AOAH: variants seen among roughly 807,000 people sequenced by gnomAD.
AOAH encodes acyloxyacyl hydrolase.
AOAH carries 64 observed loss-of-function variants against 92.2 expected under a neutral mutation model. The ratio of observed to expected loss-of-function variants is 0.69; its 90% CI spans 0.57 to 0.86. AOAH has a LOEUF of 0.86. Ranked by LOEUF, AOAH falls within the 40% of genes least tolerant of loss-of-function variation. The probability of loss-of-function intolerance (pLI) is 0.00; values close to 1 mark genes in which losing one functional copy is unlikely to be tolerated. For missense variants in AOAH, 656 were observed against 694.6 expected, an observed-to-expected ratio of 0.94 and a Z score of 0.62; for synonymous variants, 263 against 254.5, an observed-to-expected ratio of 1.03 and a Z score of -0.32.
chr7:36,585,069 T>C (rs1789218907), intron 12 of AOAH, among the ~76,000 whole-genome samples: 1 of 151,988 alleles, frequency 6.6e-6, no homozygotes, highest in African/African-American at 2.4e-5. Context: ...GACATTGGTA[T>C]TGAAGGACAT....
intron 6 of AOAH, among the ~76,000 whole-genome samples, chr7:36,631,603 G>A (rs999771137): frequency 6.6e-6 from 1 of 152,096 alleles, no homozygotes; most frequent in Non-Finnish European, 1.5e-5. Context: ...TAATAGTTTG[G>A]GCGCTGTGAA....
At chr7:36,600,409 C>T (rs1790467949) in intron 11 of AOAH, among the ~76,000 whole-genome samples, 1 of 152,142 alleles carries the variant, frequency 6.6e-6, no homozygotes, top group African/African-American at 2.4e-5. Context: ...TGATTCAGGC[C>T]CCTGGAGGAC....
chr7:36,658,696 G>A (rs1795028402), intron 4 of AOAH, among the ~76,000 whole-genome samples: 1 of 152,158 alleles, frequency 6.6e-6, no homozygotes, highest in Non-Finnish European at 1.5e-5. Flanking sequence ...ATAAACCACT[G>A]TGGGAGGTAG....
chr7:36,541,611 G>A (rs187345368), intron 15 of AOAH, among the ~76,000 whole-genome samples: 2 of 152,324 alleles, frequency 1.3e-5, no homozygotes, highest in East Asian at 1.9e-4. Flanking sequence ...CACCACCTGG[G>A]TGATGAGGTA....
chr7:36,515,503 A>C, intron 20 of AOAH, among the ~76,000 whole-genome samples: 1 of 8,064 alleles, frequency 1.2e-4, no homozygotes, highest in African/African-American at 2.3e-4. Context: ...TACATCACAA[A>C]CACACCCCCA....
chr7:36,710,067 GTAGAAT>G (rs1273758630), intron 1 of AOAH, among the ~76,000 whole-genome samples: 1 of 152,124 alleles, frequency 6.6e-6, no homozygotes, highest in Non-Finnish European at 1.5e-5. Flanking sequence ...TGTGTGGTAG[GTAGAAT>G]TATAATATTT....
intron 5 of AOAH, among the ~76,000 whole-genome samples, chr7:36,634,481 C>T (rs1427556662): frequency 6.6e-6 from 1 of 151,872 alleles, no homozygotes; most frequent in Non-Finnish European, 1.5e-5. Context: ...ACGCGCATCA[C>T]TTTAGAGTTG....
At chr7:36,548,124 G>A (rs2116300704) in intron 15 of AOAH, among the ~76,000 whole-genome samples, 1 of 152,286 alleles carries the variant, frequency 6.6e-6, no homozygotes, top group Middle Eastern at 3.4e-3. Context: ...CATTAATGGA[G>A]CAGATATTTT....
rs1367873867 is a variant in AOAH at position 36,637,893 on chromosome 7, T to G, written c.408A>C (p.Thr136=). ...YPLPKETWKF[T]LQKARQIVKK... Reference sequence around the variant, plus strand: ...TGACAATTTGTCTTGCCTTCTGTAGTGTAAATTTCCATGTCTCCTATAAAA... The same window carrying G: ...TGACAATTTGTCTTGCCTTCTGTAGGGTAAATTTCCATGTCTCCTATAAAA... The change falls in exon 5 of 21, where the codon ACA becomes ACC. Residue 136 remains threonine (T), a synonymous_variant. Transcript: ENST00000617537. 1.2e-6 allele frequency: 2 copies of G among 1,613,814 alleles called. No homozygotes were observed. Among genetic ancestry groups the G allele is most frequent in the Admixed American group, 3.3e-5 (2 of 60,006 alleles).
At position 36,513,009 on chromosome 7, in the gene AOAH, C is replaced by T. The variant is rs771175709; in HGVS notation, c.*243G>A. ...ACAGATACTCTCTTGTTTGGAATGG[C>T]ACCCAAAGCACTTTATGAAAGGTTA... On this transcript the variant is annotated 3_prime_UTR_variant, in exon 21 of 21. Coordinates refer to ENST00000617537, the MANE Select transcript of AOAH (RefSeq NM_001637.4). The T allele has an allele frequency of 3.4e-5, 51 of 1,512,288 alleles. No homozygotes were observed. The African/African-American group carries it at 6.3e-4, about 19-fold the overall frequency. 93.7% of individuals were successfully genotyped at this position (1,512,288 alleles called of 1,614,324 possible). A position where few individuals can be genotyped will look rare whatever the true frequency, so the allele number is the denominator to read the frequency against.
intron 4 of AOAH, among the ~76,000 whole-genome samples, chr7:36,639,189 T>C (rs1209789973): frequency 6.6e-6 from 1 of 152,244 alleles, no homozygotes; most frequent in Non-Finnish European, 1.5e-5. Flanking sequence ...ACTTTTGGCC[T>C]TTTCTGGAAA....
intron 4 of AOAH, among the ~76,000 whole-genome samples, chr7:36,653,936 G>A (rs1445914141): frequency 6.6e-6 from 1 of 152,108 alleles, no homozygotes; most frequent in Non-Finnish European, 1.5e-5. Flanking sequence ...CTCAAGCAGG[G>A]GCTCATGCAA....
intron 3 of AOAH, among the ~76,000 whole-genome samples, chr7:36,668,361 G>A (rs981410945): frequency 5.3e-5 from 8 of 152,204 alleles, no homozygotes; most frequent in Admixed American, 2.0e-4. Context: ...TTACAGTACA[G>A]ATTATCTTTC....
intron 4 of AOAH, 75 bp downstream of exon 4, chr7:36,659,091 A>G: frequency 8.1e-7 from 1 of 1,237,540 alleles, no homozygotes; most frequent in Non-Finnish European, 1.2e-6. Flanking sequence ...AGTAAAAGCT[A>G]AGCCTCCCTT....
intron 2 of AOAH, among the ~76,000 whole-genome samples, chr7:36,674,923 T>C (rs1796145342): frequency 6.6e-6 from 1 of 152,252 alleles, no homozygotes; most frequent in Non-Finnish European, 1.5e-5. Flanking sequence ...ATAGATCTAT[T>C]CTATGACTTT....
chr7:36,563,147 C>CAAAAAAAAAA (rs60240330), intron 13 of AOAH, among the ~76,000 whole-genome samples: 5 of 36,062 alleles, frequency 1.4e-4, no homozygotes, highest in African/African-American at 4.8e-4. Flanking sequence ...AACTCCGTCT[C>CAAAAAAAAAA]AAAAAAAAAA....
intron 11 of AOAH, among the ~76,000 whole-genome samples, chr7:36,611,269 TA>T (rs1791434159): frequency 1.3e-5 from 2 of 152,194 alleles, no homozygotes; most frequent in Non-Finnish European, 2.9e-5. Flanking sequence ...TTGTTCCTCC[TA>T]CCCGTAGTGT....
chr7:36,621,873 T>G, intron 7 of AOAH, 93 bp from the exon 8 acceptor site: 1 of 1,058,524 alleles, frequency 9.4e-7, no homozygotes, highest in South Asian at 1.3e-5. Flanking sequence ...GGCATTGACA[T>G]CCACAGTTTT....
intron 6 of AOAH, among the ~76,000 whole-genome samples, chr7:36,628,802 C>T (rs1228497507): frequency 6.6e-6 from 1 of 152,206 alleles, no homozygotes; most frequent in African/African-American, 2.4e-5. Context: ...CCACAGAAGA[C>T]ACGCAGGTCT....
Sources: gnomAD v4.1 joint callset for allele counts (sites outside exome capture counted in the v4.1 genomes callset) on GRCh38, gnomAD v4.1.1 for gene constraint, MANE v1.5 for transcripts, NCBI Gene and HGNC (gene_info 2026-07-23, HGNC 2026-07-21) for gene names.